SEMA6D: variants seen among roughly 807,000 people sequenced by gnomAD.
SEMA6D encodes the protein semaphorin 6D, also known as semaphorin-6D.
In SEMA6D, 35 loss-of-function variants were observed where a neutral mutation model predicts 106.6. The observed-to-expected ratio is 0.33, with a 90% CI of 0.25 to 0.44. The LOEUF (loss-of-function observed/expected upper bound fraction) is 0.44. Among genes scored for constraint, SEMA6D ranks in the 20% least tolerant of loss-of-function variants. SEMA6D has a pLI of 1.00. For missense variants in SEMA6D, 1,185 were observed against 1,345.9 expected, an observed-to-expected ratio of 0.88 and a Z score of 1.87; for synonymous variants, 499 against 487.7, an observed-to-expected ratio of 1.02 and a Z score of -0.31.
At chr15:47,552,286 GA>G (rs1260156174) in intron 3 of SEMA6D, among the ~76,000 whole-genome samples, 1 of 152,044 alleles carries the variant, frequency 6.6e-6, no homozygotes, top group Non-Finnish European at 1.5e-5. Context: ...GCAATTGTGT[GA>G]AATGTATATG....
At chr15:47,301,307 G>A (rs1303643593) in intron 1 of SEMA6D, among the ~76,000 whole-genome samples, 7 of 152,194 alleles carry the variant, frequency 4.6e-5, no homozygotes, top group Non-Finnish European at 8.8e-5. Flanking sequence ...GAGTGAACAT[G>A]CATCAGGAAA....
intron 4 of SEMA6D, among the ~76,000 whole-genome samples, chr15:47,674,742 T>C (rs1170983413): frequency 6.6e-6 from 1 of 152,184 alleles, no homozygotes; most frequent in Admixed American, 6.5e-5. Flanking sequence ...GATGGCGCTT[T>C]TGTAGTCTCA....
intron 4 of SEMA6D, among the ~76,000 whole-genome samples, chr15:47,660,903 T>C (rs1331010798): frequency 2.0e-5 from 3 of 152,210 alleles, no homozygotes; most frequent in Non-Finnish European, 2.9e-5. Flanking sequence ...TTTCATTTCT[T>C]AATAAAGTTA....
intron 1 of SEMA6D, among the ~76,000 whole-genome samples, chr15:47,745,463 G>A (rs2081075986): frequency 6.6e-6 from 1 of 152,236 alleles, no homozygotes; most frequent in Non-Finnish European, 1.5e-5. Context: ...GTACGCCACT[G>A]CTCAACGCTT....
chr15:47,184,118 C>T (rs1893372958), exon 1 of SEMA6D: 1 of 152,650 alleles, frequency 6.6e-6, no homozygotes, highest in African/African-American at 2.4e-5. Flanking sequence ...GTGGAAGTGT[C>T]AAAGAGGAAG....
chr15:47,187,704 A>G (rs993244942), intron 1 of SEMA6D, among the ~76,000 whole-genome samples: 5 of 152,082 alleles, frequency 3.3e-5, no homozygotes, highest in Non-Finnish European at 7.4e-5. Context: ...AATTAATACT[A>G]TGTTGGGTCT....
chr15:47,367,710 AC>A (rs1567031181), intron 1 of SEMA6D, among the ~76,000 whole-genome samples: 2,231 of 150,128 alleles, frequency 0.015, 63 homozygotes, highest in African/African-American at 0.053. Flanking sequence ...ACACACACAC[AC>A]ACACACACAC....
intron 1 of SEMA6D, among the ~76,000 whole-genome samples, chr15:47,276,413 G>A (rs2034815172): frequency 1.3e-5 from 2 of 152,152 alleles, no homozygotes; most frequent in South Asian, 2.1e-4. Context: ...CAACTCTCTT[G>A]TTAGGGACTG....
At chr15:47,452,525 G>T (rs2140943437) in intron 2 of SEMA6D, among the ~76,000 whole-genome samples, 1 of 152,000 alleles carries the variant, frequency 6.6e-6, no homozygotes, top group African/African-American at 2.4e-5. Flanking sequence ...AGTGGTTTTT[G>T]TAGTGTGTAC....
intron 1 of SEMA6D, among the ~76,000 whole-genome samples, chr15:47,208,735 C>T (rs1260036147): frequency 6.6e-6 from 1 of 152,086 alleles, no homozygotes; most frequent in Non-Finnish European, 1.5e-5. Context: ...ATTAATATTT[C>T]TTCTTATCAT....
At chr15:47,563,647 T>G (rs930552598) in intron 3 of SEMA6D, among the ~76,000 whole-genome samples, 1 of 152,244 alleles carries the variant, frequency 6.6e-6, no homozygotes, top group Admixed American at 6.5e-5. Context: ...TAAGTCTTTG[T>G]GTGCCTTATC....
At chr15:47,465,761 A>T (rs1408076186) in intron 2 of SEMA6D, among the ~76,000 whole-genome samples, 1 of 152,090 alleles carries the variant, frequency 6.6e-6, no homozygotes, top group East Asian at 1.9e-4. Context: ...CTCCCCAGCC[A>T]TGCTTCCTGT....
At chr15:47,624,675 G>C (rs1529883) in intron 4 of SEMA6D, among the ~76,000 whole-genome samples, 43,410 of 152,094 alleles carry the variant, frequency 0.29, 7,209 homozygotes, top group East Asian at 0.45. Flanking sequence ...ACTTAGGACA[G>C]ATAACTAACC....
At chr15:47,572,240 A>G (rs1297021680) in intron 3 of SEMA6D, among the ~76,000 whole-genome samples, 1 of 152,232 alleles carries the variant, frequency 6.6e-6, no homozygotes, top group South Asian at 2.1e-4. Flanking sequence ...TCCTCTGATC[A>G]AATGTATATC....
chr15:47,417,978 G>A (rs1027937233), intron 2 of SEMA6D, among the ~76,000 whole-genome samples: 9 of 151,874 alleles, frequency 5.9e-5, no homozygotes, highest in African/African-American at 1.2e-4. Context: ...GGAGATAAAC[G>A]ATGCATGGAT....
At chr15:47,746,720 T>C (rs1042778282) in intron 1 of SEMA6D, among the ~76,000 whole-genome samples, 1 of 152,120 alleles carries the variant, frequency 6.6e-6, no homozygotes, top group Non-Finnish European at 1.5e-5. Flanking sequence ...AAGCCAGTGT[T>C]CCACAGACAG....
chr15:47,207,993 G>GCGCACACACACACACACACA (rs1424944556), intron 1 of SEMA6D, among the ~76,000 whole-genome samples: 60 of 89,428 alleles, frequency 6.7e-4, no homozygotes, highest in East Asian at 1.1e-3. Flanking sequence ...TGGCGCGCGC[G>GCGCACACACACACACACACA]CACACACACA....
At chr15:47,441,125 C>T (rs2041868865) in intron 2 of SEMA6D, among the ~76,000 whole-genome samples, 1 of 152,056 alleles carries the variant, frequency 6.6e-6, no homozygotes, top group Non-Finnish European at 1.5e-5. Flanking sequence ...TATTTTGTAT[C>T]TCTTTATGAG....
upstream of SEMA6D, among the ~76,000 whole-genome samples, chr15:47,714,069 C>G (rs1048824419): frequency 2.0e-5 from 3 of 152,112 alleles, no homozygotes; most frequent in Non-Finnish European, 2.9e-5. Flanking sequence ...ATCATCATCC[C>G]TGTTTTCCAG....
Sources: allele counts gnomAD v4.1 joint callset (sites outside exome capture counted in the v4.1 genomes callset), GRCh38; gene constraint gnomAD v4.1.1; transcripts MANE v1.5; gene names NCBI Gene and HGNC (gene_info 2026-07-23, HGNC 2026-07-21).